ATP1A1: variants seen among roughly 807,000 people sequenced by gnomAD.
ATP1A1 encodes ATPase Na+/K+ transporting subunit alpha 1, also known as sodium/potassium-transporting ATPase subunit alpha-1.
A neutral mutation model predicts 114.8 loss-of-function variants in ATP1A1; 14 were observed. The ratio of observed to expected loss-of-function variants is 0.12; its 90% confidence interval spans 0.08 to 0.19. The LOEUF is 0.19. Ranked by LOEUF, ATP1A1 falls within the 10% of genes least tolerant of loss-of-function variation. The pLI is 1.00. For missense variants in ATP1A1, 524 were observed against 1,290.7 expected, an observed-to-expected ratio of 0.41 and a Z score of 9.10; for synonymous variants, 471 against 466.3, an observed-to-expected ratio of 1.01 and a Z score of -0.13.
In ATP1A1 at chr1:116,384,756, AT is replaced by A. The variant is rs774457318; in HGVS notation, c.124-23del. The A allele has an allele frequency of 6.3e-7, 1 of 1,581,208 alleles. No homozygotes were observed. The highest frequency in any genetic ancestry group is 1.4e-5 in the African/African-American group (1 of 73,182). On this transcript the variant is annotated intron_variant, in intron 2 of 22. Coordinates refer to ENST00000295598, the MANE Select transcript of ATP1A1 (RefSeq NM_000701.8). The surrounding 1 kb of genome is among the most constrained non-coding windows in gnomAD (Gnocchi z 5.1). ...TTTTTTTATACTACACTGTTTAACT[AT>A]TTTCTTTGTTTCTGTTTTCCCTTAG...
At chr1:116,382,963 G>T (rs994307307) in intron 1 of ATP1A1, among the ~76,000 whole-genome samples, 1 of 152,156 alleles carries the variant, frequency 6.6e-6, no homozygotes, top group South Asian at 2.1e-4. Context: ...TCAGGGGGAG[G>T]TGTCTGGAAC....
chr1:116,404,264 GT>G lies in ATP1A1; in HGVS notation c.3044-151del, dbSNP rs1282111042. 93 of 963,180 alleles carry G rather than the reference GT, an allele frequency of 9.7e-5. No homozygotes were observed. 59.7% of individuals were successfully genotyped at this position (963,180 alleles called of 1,614,324 possible). On this transcript the variant is annotated intron_variant, in intron 22 of 22. Transcript: ENST00000295598. This position sits in a 1 kb window ranked among gnomAD's most constrained non-coding sequence, Gnocchi z 4.8. ...GGTAACTTGGTATTCCTAAAAACAT[GT>G]AAATAAGTACAGTTGAGGTCCCATG...
Position 116,388,613 on chromosome 1 carries a change from G to A in ATP1A1, c.502-25G>A, listed in dbSNP as rs768486275. ...ACCTTCTCTTTGTTGGTATACTAAC[G>A]GTGTAAATTGTTTCTTTTCCAAAGC... is the stretch of plus-strand genomic sequence containing the variant. On this transcript the variant is annotated intron_variant, in intron 5 of 22. Coordinates refer to ENST00000295598, the MANE Select transcript of ATP1A1 (RefSeq NM_000701.8). This position sits in a 1 kb window ranked among gnomAD's most constrained non-coding sequence, Gnocchi z 5.6. The A allele has an allele frequency of 2.5e-6, 4 of 1,611,616 alleles. No homozygotes were observed. Among genetic ancestry groups the A allele is most frequent in the Middle Eastern group, 1.7e-4 (1 of 6,054 alleles).
intron 1 of ATP1A1, among the ~76,000 whole-genome samples, chr1:116,382,752 TTTTTC>T (rs1469573885): frequency 1.3e-5 from 2 of 152,260 alleles, no homozygotes; most frequent in Admixed American, 6.5e-5. Context: ...TTGATTTTCT[TTTTTC>T]ATTTCAGCAC....
At position 116,395,162 on chromosome 1, in the gene ATP1A1, T is replaced by C. The variant is rs1345878694; in HGVS notation, c.1713T>C (p.Phe571=). Residue 571 remains phenylalanine, a synonymous_variant, in exon 13 of 23, where the codon TTT becomes TTC. Transcript: ENST00000295598. The surrounding 1 kb of genome is among the most constrained non-coding windows in gnomAD (Gnocchi z 6.4). ...AACAGTTTCCTGAAGGGTTCCAGTT[T>C]GACACTGACGATGTGAATTTCCCTA... ...PDEQFPEGFQ[F]DTDDVNFPID... 6.2e-7 allele frequency: 1 copy of C among 1,614,178 alleles called. No homozygotes were observed. Among genetic ancestry groups the C allele is most frequent in the South Asian group, 1.1e-5 (1 of 91,082 alleles).
In ATP1A1 at chr1:116,390,902, GAGTTAACTAAT is replaced by G; in HGVS notation, c.1332+12_1332+22del. 1 of 1,603,620 alleles carries G rather than the reference GAGTTAACTAAT, an allele frequency of 6.2e-7. No individual in the cohort carries two copies. The highest frequency in any genetic ancestry group is 8.5e-7 in the Non-Finnish European group (1 of 1,170,562). ...CTACCTATTCTTAAGGTATGCTCAA[GAGTTAACTAAT>G]GGAGGGATGTAGACAGCACATGAGA... On this transcript the variant is annotated intron_variant, in intron 10 of 22. Coordinates refer to ENST00000295598, the MANE Select transcript of ATP1A1 (RefSeq NM_000701.8).
chr1:116,400,658 A>G (rs1653381973), intron 18 of ATP1A1, among the ~76,000 whole-genome samples: 1 of 152,132 alleles, frequency 6.6e-6, no homozygotes, highest in Admixed American at 6.5e-5. Context: ...GAGGGCCCTG[A>G]GATTGGAGTG....
In ATP1A1 at chr1:116,398,647, C is replaced by T. The variant is rs367732874; in HGVS notation, c.2151C>T (p.Asp717=). Reference sequence around the variant, plus strand: ...GTGCTATCGTGGCTGTGACTGGTGACGGTGTGAATGACTCTCCAGCTTTGA... The same window carrying T: ...GTGCTATCGTGGCTGTGACTGGTGATGGTGTGAATGACTCTCCAGCTTTGA... ...RQGAIVAVTG[D]GVNDSPALKK... is the part of the protein sequence containing the mutation. The change falls in exon 16 of 23, where the codon GAC becomes GAT. Residue 717 remains aspartate (D), a synonymous_variant. Coordinates refer to ENST00000295598, the MANE Select transcript of ATP1A1 (RefSeq NM_000701.8). The surrounding 1 kb of genome is among the most constrained non-coding windows in gnomAD (Gnocchi z 6.1). 7.5e-5 allele frequency: 121 copies of T among 1,613,916 alleles called. No homozygotes were observed. Among genetic ancestry groups the T allele is most frequent in the Non-Finnish European group, 8.9e-5 (105 of 1,179,986 alleles).
chr1:116,373,758 G>C (rs1324603915), intron 1 of ATP1A1: 17 of 1,186,810 alleles, frequency 1.4e-5, no homozygotes, highest in South Asian at 1.4e-4. Flanking sequence ...CATTGCTTAG[G>C]GGGGTGGGCG....
chr1:116,401,263 A>G lies in ATP1A1; in HGVS notation c.2849+3A>G, dbSNP rs753079721. The G allele has an allele frequency of 1.1e-5, 17 of 1,614,210 alleles. No homozygotes were observed. Among genetic ancestry groups the G allele is most frequent in the Non-Finnish European group, 1.4e-5 (16 of 1,180,028 alleles). On this transcript the variant is annotated splice_donor_region_variant and intron_variant, in intron 20 of 22. Coordinates refer to ENST00000295598, the MANE Select transcript of ATP1A1 (RefSeq NM_000701.8). This position sits in a 1 kb window ranked among gnomAD's most constrained non-coding sequence, Gnocchi z 4.7. ...TCGGTCTTCCAGCAGGGGATGAAGT[A>G]AGTAATGAAGGACATGTCAAGGCCT...
Position 116,400,796 on chromosome 1 carries a change from G to C in ATP1A1, c.2573-65G>C, listed in dbSNP as rs543049195. On this transcript the variant is annotated intron_variant, in intron 18 of 22. Coordinates refer to ENST00000295598, the MANE Select transcript of ATP1A1 (RefSeq NM_000701.8). ...TCTCCCAGGCCTGCTGCAGTAATCAGCTGAAGGCTATACAGGTACCCTTGT... is the reference window on the plus strand; with the variant it reads ...TCTCCCAGGCCTGCTGCAGTAATCACCTGAAGGCTATACAGGTACCCTTGT... 2.5e-6 allele frequency: 4 copies of C among 1,584,742 alleles called. No individual in the cohort carries two copies. The East Asian group carries it at 8.9e-5, about 35-fold the overall frequency.
intron 1 of ATP1A1, among the ~76,000 whole-genome samples, chr1:116,382,066 T>C (rs1049523893): frequency 6.6e-6 from 1 of 152,014 alleles, no homozygotes; most frequent in African/African-American, 2.4e-5. Flanking sequence ...TCCCAGCTAC[T>C]CAGGAGGCTG....
At chr1:116,390,084 T>C (rs1652345411) in intron 8 of ATP1A1, 129 bp from the exon 9 acceptor site, 1 of 1,007,456 alleles carries the variant, frequency 9.9e-7, no homozygotes, top group African/African-American at 1.6e-5. Context: ...TTATTATTTC[T>C]TCAAACTTCA....
At position 116,373,913 on chromosome 1, in the gene ATP1A1, C is replaced by T. The variant is rs960109832; in HGVS notation, c.12+390C>T. 3.8e-6 allele frequency: 5 copies of T among 1,308,778 alleles called. No homozygotes were observed. The African/African-American group carries it at 4.7e-5, about 12-fold the overall frequency. 81.1% of individuals were successfully genotyped at this position (1,308,778 alleles called of 1,614,324 possible). A position where few individuals can be genotyped will look rare whatever the true frequency, so the allele number is the denominator to read the frequency against. The stretch of plus-strand genomic sequence containing the variant: ...ACTGAGCCGGCATCCCTGAGCCTGG[C>T]TCCCCTCCCTGCGACCGCCGTCACC... On this transcript the variant is annotated intron_variant, in intron 1 of 22. Coordinates refer to ENST00000295598, the MANE Select transcript of ATP1A1 (RefSeq NM_000701.8).
In ATP1A1 at chr1:116,395,371, GC is replaced by G; in HGVS notation, c.1836+88del. 6.9e-7 allele frequency: 1 copy of G among 1,453,208 alleles called. No individual in the cohort carries two copies. The highest frequency in any genetic ancestry group is 9.3e-7 in the Non-Finnish European group (1 of 1,073,044). The allele number at this position is 1,453,208 out of a possible 1,614,324, so 90.0% of individuals were successfully genotyped here. On this transcript the variant is annotated intron_variant, in intron 13 of 22. Coordinates refer to ENST00000295598, the MANE Select transcript of ATP1A1 (RefSeq NM_000701.8). The surrounding 1 kb of genome is among the most constrained non-coding windows in gnomAD (Gnocchi z 6.4). ...AATGTTGCCTTTTGAGGTCCAGATG[GC>G]CAGCTGTTCTATCTCACCTGGAGTA...
At position 116,373,265 on chromosome 1, in the gene ATP1A1, G is replaced by T. The variant is rs536076080; in HGVS notation, c.-247G>T. The T allele has an allele frequency of 2.6e-6, 1 of 386,908 alleles. No homozygotes were observed. Among genetic ancestry groups the T allele is most frequent in the Middle Eastern group, 6.8e-4 (1 of 1,476 alleles). 24.0% of individuals were successfully genotyped at this position (386,908 alleles called of 1,614,324 possible). A position where few individuals can be genotyped will look rare whatever the true frequency, so the allele number is the denominator to read the frequency against. ...GGCTGGAGCTGCGGCGGGGTCTGGG[G>T]CGCAGAGCAGCGGCGGGAGGAGGCG... is the stretch of plus-strand genomic sequence containing the variant. On this transcript the variant is annotated 5_prime_UTR_variant, in exon 1 of 23. Transcript: ENST00000295598.
Position 116,399,239 on chromosome 1 carries a change from A to C in ATP1A1, c.2448+155A>C, listed in dbSNP as rs1468845514. The C allele has an allele frequency of 7.4e-6, 10 of 1,359,012 alleles. No individual in the cohort carries two copies. The highest frequency in any genetic ancestry group is 2.9e-5 in the African/African-American group (2 of 68,686). The allele number at this position is 1,359,012 out of a possible 1,614,324, so 84.2% of individuals were successfully genotyped here. On this transcript the variant is annotated intron_variant, in intron 17 of 22. Transcript: ENST00000295598. The surrounding 1 kb of genome is among the most constrained non-coding windows in gnomAD (Gnocchi z 5.0). Reference sequence around the variant, plus strand: ...TGTGTCCCAATCCCGGCTTCACAGAATCAGTATTACCACTCTTCAAGGCAG... The same window carrying C: ...TGTGTCCCAATCCCGGCTTCACAGACTCAGTATTACCACTCTTCAAGGCAG...
In ATP1A1 at chr1:116,401,593, C is replaced by T. The variant is rs1251731007; in HGVS notation, c.2889C>T (p.Ala963=). The T allele has an allele frequency of 6.2e-7, 1 of 1,614,096 alleles. No individual in the cohort carries two copies. Among genetic ancestry groups the T allele is most frequent in the African/African-American group, 1.3e-5 (1 of 74,924 alleles). Residue 963 remains alanine, a synonymous_variant, in exon 21 of 23, where the codon GCC becomes GCT. Transcript: ENST00000295598. The surrounding 1 kb of genome is among the most constrained non-coding windows in gnomAD (Gnocchi z 4.7). The part of the protein sequence containing the change: ...ILIFGLFEET[A]LAAFLSYCPG... The stretch of plus-strand genomic sequence containing the variant: ...TATTTGGCCTCTTTGAAGAGACAGC[C>T]CTGGCTGCTTTCCTTTCCTACTGCC...
chr1:116,404,609 G>T lies in ATP1A1; in HGVS notation c.*165G>T, dbSNP rs1200206055. On this transcript the variant is annotated 3_prime_UTR_variant, in exon 23 of 23. Transcript: ENST00000295598. This position sits in a 1 kb window ranked among gnomAD's most constrained non-coding sequence, Gnocchi z 4.8. ...CCTGGAATGAAGCATGTAGCTCTATGGGGGGAGGGGGGAGGGCTGCCTGAA... is the reference window on the plus strand; with the variant it reads ...CCTGGAATGAAGCATGTAGCTCTATTGGGGGAGGGGGGAGGGCTGCCTGAA... 3 of 1,322,212 alleles carry T rather than the reference G, an allele frequency of 2.3e-6. No individual in the cohort carries two copies. Among genetic ancestry groups the T allele is most frequent in the African/African-American group, 1.5e-5 (1 of 64,692 alleles). 81.9% of individuals were successfully genotyped at this position (1,322,212 alleles called of 1,614,324 possible).
Sources: gnomAD v4.1 joint callset for allele counts (sites outside exome capture counted in the v4.1 genomes callset) on GRCh38, gnomAD v4.1.1 for gene constraint, Gnocchi (gnomAD v3.1) non-coding constraint, MANE v1.5 for transcripts, NCBI Gene and HGNC (gene_info 2026-07-23, HGNC 2026-07-21) for gene names.